The following PPME1 variants were observed in gnomAD, a reference collection of about 807,000 sequenced individuals.
The protein encoded by PPME1 is testicular secretory protein Li 39.
Under a neutral mutation model 56.9 loss-of-function variants are expected in PPME1, and 17 were observed. The ratio of observed to expected loss-of-function variants is 0.30; its 90% confidence interval spans 0.20 to 0.45. PPME1 has a LOEUF of 0.45. PPME1 is among the 20% of genes least tolerant of loss of function. PPME1 has a pLI of 1.00. For missense variants in PPME1, 357 were observed against 483.2 expected (o/e 0.74, Z 2.45); for synonymous variants, 122 against 156.2 (o/e 0.78, Z 1.63).
At chr11:74,236,028 A>C (rs1339320014) in intron 8 of PPME1, 62 bp downstream of exon 8, 8 of 1,576,876 alleles carry the variant, frequency 5.1e-6, no homozygotes, top group Admixed American at 1.8e-5. Context: ...GGAATTACAG[A>C]TTGCTTCTTT....
chr11:74,217,159 C>CA (rs748854213), intron 3 of PPME1, among the ~76,000 whole-genome samples: 1 of 151,950 alleles, frequency 6.6e-6, no homozygotes, highest in Non-Finnish European at 1.5e-5. Context: ...CAGACAAAAA[C>CA]AAAAAAACTA....
chr11:74,208,504 A>G (rs946306602), intron 3 of PPME1, among the ~76,000 whole-genome samples: 1 of 152,204 alleles, frequency 6.6e-6, no homozygotes, highest in Non-Finnish European at 1.5e-5. Flanking sequence ...GAAATGGCAC[A>G]TGTATACAAA....
Position 74,253,384 on chromosome 11 carries a change from C to T in PPME1, c.1143-108C>T, listed in dbSNP as rs929635222. On this transcript the variant is annotated intron_variant, in intron 13 of 13. Transcript: ENST00000328257. ...AGGGCTGTGAAATGGGTCAGATTTG[C>T]CAGGGCCTTGGTGGTCATTAGGGAG... 2.3e-5 allele frequency: 26 copies of T among 1,155,126 alleles called. No homozygotes were observed. The Middle Eastern group carries it at 5.8e-4, about 26-fold the overall frequency. The allele number at this position is 1,155,126 out of a possible 1,614,324, so 71.6% of individuals were successfully genotyped here. A position where few individuals can be genotyped will look rare whatever the true frequency, so the allele number is the denominator to read the frequency against.
chr11:74,228,957 G>A (rs1266102576), intron 5 of PPME1, among the ~76,000 whole-genome samples: 1 of 152,124 alleles, frequency 6.6e-6, no homozygotes, highest in Non-Finnish European at 1.5e-5. Flanking sequence ...ATGACTGCCT[G>A]AACTGCTTCA....
intron 13 of PPME1, 177 bp downstream of exon 13, chr11:74,251,892 G>A: frequency 1.1e-6 from 1 of 870,236 alleles, no homozygotes. Flanking sequence ...ATGGTTGGTT[G>A]TTTCTTTGTG....
At chr11:74,234,047 G>C (rs73549042) in intron 7 of PPME1, among the ~76,000 whole-genome samples, 1 of 152,080 alleles carries the variant, frequency 6.6e-6, no homozygotes, top group African/African-American at 2.4e-5. Context: ...ATGTATTTTC[G>C]AGGTAGAACT....
chr11:74,238,224 A>G (rs990350303), intron 8 of PPME1: 3 of 151,968 alleles, frequency 2.0e-5, no homozygotes, highest in Non-Finnish European at 4.4e-5. Context: ...AACTTGGCAC[A>G]AGTTTCATAT....
intron 1 of PPME1, among the ~76,000 whole-genome samples, chr11:74,198,023 G>A (rs78273910): frequency 6.6e-6 from 1 of 152,208 alleles, no homozygotes; most frequent in South Asian, 2.1e-4. Flanking sequence ...GCAATAGGAG[G>A]GGGGAGGAAA....
intron 7 of PPME1, 28 bp downstream of exon 7, chr11:74,231,030 TTTAA>T (rs1395519782): frequency 6.7e-7 from 1 of 1,499,726 alleles, no homozygotes; most frequent in East Asian, 2.4e-5. Flanking sequence ...GTCGCCTTTA[TTTAA>T]TTAATTTGTT....
At chr11:74,226,330 G>T (rs1858931247) in intron 5 of PPME1, among the ~76,000 whole-genome samples, 1 of 152,166 alleles carries the variant, frequency 6.6e-6, no homozygotes, top group Non-Finnish European at 1.5e-5. Flanking sequence ...ACTGTATGAA[G>T]TCACACAGTC....
chr11:74,228,196 AT>A (rs1565390895), intron 5 of PPME1, among the ~76,000 whole-genome samples: 1 of 150,600 alleles, frequency 6.6e-6, no homozygotes, highest in Non-Finnish European at 1.5e-5. Flanking sequence ...ATTGTTTTAG[AT>A]TAATTAATTG....
Position 74,229,669 on chromosome 11 carries a change from T to C in PPME1, c.399-576T>C, listed in dbSNP as rs1859018720. Among the ~76,000 whole-genome samples the C allele has an allele frequency of 2.0e-5, 3 of 152,212 alleles. No individual in the cohort carries two copies. The South Asian group carries it at 6.2e-4, about 32-fold the overall frequency. On this transcript the variant is annotated intron_variant, in intron 5 of 13. Coordinates refer to ENST00000328257, the MANE Select transcript of PPME1 (RefSeq NM_016147.3). The stretch of plus-strand genomic sequence containing the variant: ...ATTTTACTCTTTCGAGGTGTTTTCT[T>C]GTTCCCTTCTCAGTTAATCCTCAAA...
At chr11:74,203,677 A>G (rs1222505971) in intron 1 of PPME1, 51 bp from the exon 2 acceptor site, 2 of 1,391,374 alleles carry the variant, frequency 1.4e-6, no homozygotes, top group Non-Finnish European at 2.0e-6. Context: ...CCAAGATTTT[A>G]TCTCTTTATG....
intron 1 of PPME1, chr11:74,198,776 A>G (rs117585382): frequency 0.019 from 2,816 of 152,204 alleles, 46 homozygotes; most frequent in Middle Eastern, 0.03. Flanking sequence ...CTCCCATCCA[A>G]GTACTAACCA....
chr11:74,190,200 G>A (rs1184314238), intron 1 of PPME1, among the ~76,000 whole-genome samples: 1 of 152,216 alleles, frequency 6.6e-6, no homozygotes, highest in East Asian at 1.9e-4. Context: ...CTGGTCCCTT[G>A]ATAGGGTTAG....
At chr11:74,251,270 C>G in intron 12 of PPME1, 1 of 1,369,134 alleles carries the variant, frequency 7.3e-7, no homozygotes, top group Non-Finnish European at 9.4e-7. Flanking sequence ...ATCTTAAGCT[C>G]TACTTCTCCA....
intron 1 of PPME1, among the ~76,000 whole-genome samples, chr11:74,187,171 A>G (rs1222206453): frequency 6.6e-6 from 1 of 152,208 alleles, no homozygotes; most frequent in African/African-American, 2.4e-5. Context: ...GTAAGTTTCG[A>G]AATCAGGAAG....
rs557437447 is a variant in PPME1, at chr11:74,188,190, C to CTT, written c.102-15523_102-15522dup. Among the ~76,000 whole-genome samples the CTT allele has an allele frequency of 5.4e-3, 741 of 136,758 alleles. 5 individuals carry two copies. Among genetic ancestry groups the CTT allele is most frequent in the Middle Eastern group, 0.027 (7 of 264 alleles). The allele number at this position is 136,758 out of a possible 152,430, so 89.7% of individuals were successfully genotyped here. On this transcript the variant is annotated intron_variant, in intron 1 of 13. Coordinates refer to ENST00000328257, the MANE Select transcript of PPME1 (RefSeq NM_016147.3). ...CATATTGATATTTCTTCCTTTTTCTCTTTTTTTTTTTTTTTTGAGATGGAG... is the reference window on the plus strand; with the variant it reads ...CATATTGATATTTCTTCCTTTTTCTCTTTTTTTTTTTTTTTTTTGAGATGGAG...
At chr11:74,216,896 G>A (rs371271889) in intron 3 of PPME1, among the ~76,000 whole-genome samples, 3 of 152,028 alleles carry the variant, frequency 2.0e-5, no homozygotes, top group Admixed American at 6.6e-5. Context: ...TTCTAGACAC[G>A]TACAACCTAC....
Sources: gnomAD v4.1 joint callset for allele counts (sites outside exome capture counted in the v4.1 genomes callset) on GRCh38, gnomAD v4.1.1 for gene constraint, MANE v1.5 for transcripts, NCBI Gene and HGNC (gene_info 2026-07-23, HGNC 2026-07-21) for gene names.